The following BRAP variants were observed in gnomAD, a reference collection of about 807,000 sequenced individuals.
BRAP encodes the protein BRCA1-associated protein.
BRAP carries 42 observed loss-of-function variants against 73.4 expected under a neutral mutation model. That is an observed-to-expected ratio of 0.57 (90% confidence interval 0.45 to 0.74). The LOEUF (loss-of-function observed/expected upper bound fraction) is 0.74. BRAP is among the 30% of genes least tolerant of loss of function. The probability of loss-of-function intolerance (pLI) is 0.00; values close to 1 mark genes in which losing one functional copy is unlikely to be tolerated. For missense variants in BRAP, 593 were observed against 751.4 expected (o/e 0.79, Z 2.46); for synonymous variants, 255 against 267.4 (o/e 0.95, Z 0.45).
rs534395697 is a variant in BRAP at position 111,648,181 on chromosome 12, C to T, written c.1415+1758G>A. On this transcript the variant is annotated intron_variant, in intron 11 of 11. Coordinates refer to ENST00000419234, the MANE Select transcript of BRAP (RefSeq NM_006768.5). ...GGTGTGGTGGTGTGCTCCTGTAGTC[C>T]TAGCTACTCGGGAGGCTGAGGCAGG... is the stretch of plus-strand genomic sequence containing the variant. 1.1e-3 allele frequency among the ~76,000 whole-genome samples: 151 copies of T among 131,600 alleles called. No homozygotes were observed. The Middle Eastern group carries it at 0.014, about 12-fold the overall frequency. The allele number at this position is 131,600 out of a possible 152,430, so 86.3% of individuals were successfully genotyped here.
chr12:111,671,236 G>C (rs1315754185), intron 5 of BRAP, among the ~76,000 whole-genome samples: 1 of 152,100 alleles, frequency 6.6e-6, no homozygotes, highest in Admixed American at 6.6e-5. Context: ...AAAGATCAGA[G>C]CCATCACAAA....
chr12:111,659,175 G>C, intron 8 of BRAP, 32 bp downstream of exon 8: 1 of 1,602,054 alleles, frequency 6.2e-7, no homozygotes, highest in Non-Finnish European at 8.5e-7. Flanking sequence ...CACACAGAAT[G>C]AGTCCAAATT....
chr12:111,665,932 T>C lies in BRAP; in HGVS notation c.748-145A>G, dbSNP rs1419662195. 2.7e-5 allele frequency: 31 copies of C among 1,147,982 alleles called. 2 individuals are homozygous for C. In the South Asian group the frequency reaches 4.7e-4, roughly 17 times the overall value. 71.1% of individuals were successfully genotyped at this position (1,147,982 alleles called of 1,614,324 possible). ...ATCATGGCTCATTACAGCCTTGACC[T>C]CCCAGGCTCAAGAGATCTGCCCACC... is the stretch of plus-strand genomic sequence containing the variant. On this transcript the variant is annotated intron_variant, in intron 5 of 11. Coordinates refer to ENST00000419234, the MANE Select transcript of BRAP (RefSeq NM_006768.5). This position sits in a 1 kb window ranked among gnomAD's most constrained non-coding sequence, Gnocchi z 4.3.
At chr12:111,683,040 A>C in intron 2 of BRAP, 106 bp downstream of exon 2, 1 of 1,302,120 alleles carries the variant, frequency 7.7e-7, no homozygotes, top group Non-Finnish European at 1.1e-6. Flanking sequence ...AGTGAAAGAC[A>C]AAAGTATGCT....
Position 111,644,342 on chromosome 12 carries a change from T to A in BRAP, c.1636A>T (p.Ile546Phe). 6.2e-6 allele frequency: 10 copies of A among 1,613,944 alleles called. No homozygotes were observed. The highest frequency in any genetic ancestry group is 8.5e-6 in the Non-Finnish European group (10 of 1,179,992). ...CGGGTCTCGGCAGGCAGATGGTTGATCTTCTGCTGTGTCTCCAGGTAGAAC... is the reference window on the plus strand; with the variant it reads ...CGGGTCTCGGCAGGCAGATGGTTGAACTTCTGCTGTGTCTCCAGGTAGAAC... ...VMFYLETQQK[I>F]NHLPAETRQE... Residue 546 changes from isoleucine to phenylalanine, a missense_variant, in exon 12 of 12, where the codon ATC becomes TTC. Physicochemically the swap from Ile to Phe is conservative, Grantham distance 21. Around this residue, in one of 4 missense-constraint regions of BRAP, gnomAD observed 79 missense variants for 65.3 expected, o/e 1.21. Transcript: ENST00000419234.
chr12:111,647,883 T>C (rs1886166848), intron 11 of BRAP, among the ~76,000 whole-genome samples: 1 of 142,634 alleles, frequency 7.0e-6, no homozygotes, highest in Non-Finnish European at 1.5e-5. Context: ...AGAGCGAAAC[T>C]CCGTCTCAAA....
chr12:111,670,043 A>G, intron 5 of BRAP: 1 of 630,406 alleles, frequency 1.6e-6, no homozygotes, highest in South Asian at 1.4e-5. Context: ...CTTCATCTTC[A>G]TTAAAAGCTG....
In BRAP at chr12:111,660,682, AG is replaced by A. The variant is rs377323819; in HGVS notation, c.897-8del. ...GTACCGGCAAACAGGACACCTATCCAGGACACCAAAAGATAATGGTGCAGGT... is the reference window on the plus strand; with the variant it reads ...GTACCGGCAAACAGGACACCTATCCAGACACCAAAAGATAATGGTGCAGGT... On this transcript the variant is annotated splice_polypyrimidine_tract_variant and splice_region_variant and intron_variant, in intron 6 of 11. Coordinates refer to ENST00000419234, the MANE Select transcript of BRAP (RefSeq NM_006768.5). 48 of 1,596,718 alleles carry A rather than the reference AG, an allele frequency of 3.0e-5. No homozygotes were observed. Among genetic ancestry groups the A allele is most frequent in the African/African-American group, 2.7e-4 (20 of 74,414 alleles).
chr12:111,682,822 A>G (rs2135932530), intron 2 of BRAP, among the ~76,000 whole-genome samples: 1 of 152,174 alleles, frequency 6.6e-6, no homozygotes, highest in South Asian at 2.1e-4. Flanking sequence ...TGAGGCAGGA[A>G]GACTGCTTCA....
chr12:111,659,636 A>T (rs1230461231), intron 7 of BRAP, among the ~76,000 whole-genome samples: 1 of 152,076 alleles, frequency 6.6e-6, no homozygotes, highest in Non-Finnish European at 1.5e-5. Flanking sequence ...CCTGGGTGAT[A>T]AGAACAAGAC....
At position 111,665,511 on chromosome 12, in the gene BRAP, G is replaced by T; in HGVS notation, c.896+128C>A. The T allele has an allele frequency of 7.6e-7, 1 of 1,317,124 alleles. No individual in the cohort carries two copies. The highest frequency in any genetic ancestry group is 1.0e-6 in the Non-Finnish European group (1 of 969,540). 81.6% of individuals were successfully genotyped at this position (1,317,124 alleles called of 1,614,324 possible). A position where few individuals can be genotyped will look rare whatever the true frequency, so the allele number is the denominator to read the frequency against. ...GCCGATTCCCTGAACTTAGGAAAGG[G>T]AAGGAGAAAAAGGACCTCTTGAATA... On this transcript the variant is annotated intron_variant, in intron 6 of 11. Coordinates refer to ENST00000419234, the MANE Select transcript of BRAP (RefSeq NM_006768.5). The surrounding 1 kb of genome is among the most constrained non-coding windows in gnomAD (Gnocchi z 4.3).
In BRAP at chr12:111,683,259, G is replaced by A; in HGVS notation, c.131C>T (p.Ala44Val). 6.2e-7 allele frequency: 1 copy of A among 1,614,024 alleles called. No homozygotes were observed. Among genetic ancestry groups the A allele is most frequent in the Non-Finnish European group, 8.5e-7 (1 of 1,180,006 alleles). ...TGACTTGCCTTCTAAACAGGCTACA[G>A]CTGAGGCTAGTGTCGTCTTTTTTAT... ...EEIKKTTLAS[A>V]VACLEGKSPG... is the part of the protein sequence containing the mutation. Residue 44 changes from alanine to valine, a missense_variant, in exon 2 of 12, where the codon GCT becomes GTT. By Grantham distance (64) the Ala-to-Val change is moderately conservative (BLOSUM62 0). Coordinates refer to ENST00000419234, the MANE Select transcript of BRAP (RefSeq NM_006768.5).
At chr12:111,658,126 C>T (rs1476893530) in intron 9 of BRAP, among the ~76,000 whole-genome samples, 2 of 151,506 alleles carry the variant, frequency 1.3e-5, no homozygotes, top group African/African-American at 2.4e-5. Context: ...GACAGGGTTT[C>T]ACCATGTTGG....
intron 10 of BRAP, among the ~76,000 whole-genome samples, chr12:111,653,320 C>T (rs1182456706): frequency 6.6e-6 from 1 of 152,222 alleles, no homozygotes; most frequent in Non-Finnish European, 1.5e-5. Flanking sequence ...TTTACATCTA[C>T]ACTATTTTAT....
chr12:111,673,367 G>C (rs542341262), intron 4 of BRAP: 2 of 152,466 alleles, frequency 1.3e-5, no homozygotes, highest in South Asian at 2.1e-4. Context: ...AGCCGGGCCT[G>C]GTGGCCCACG....
At chr12:111,684,008 C>T (rs1282559897) in intron 1 of BRAP, among the ~76,000 whole-genome samples, 1 of 152,066 alleles carries the variant, frequency 6.6e-6, no homozygotes, top group Non-Finnish European at 1.5e-5. Context: ...ATTTCAAAAA[C>T]TTGTAGGGGT....
chr12:111,656,432 G>C (rs188170883), intron 9 of BRAP, among the ~76,000 whole-genome samples: 3 of 152,214 alleles, frequency 2.0e-5, no homozygotes, highest in African/African-American at 7.2e-5. Flanking sequence ...TGAGGCTGTT[G>C]TAACACTAAT....
chr12:111,670,973 G>A (rs1887147075), intron 5 of BRAP, among the ~76,000 whole-genome samples: 1 of 152,070 alleles, frequency 6.6e-6, no homozygotes, highest in South Asian at 2.1e-4. Context: ...GATGGCGCAT[G>A]CCTATAGTCC....
At chr12:111,674,391 C>T (rs1010866131) in intron 4 of BRAP, among the ~76,000 whole-genome samples, 15 of 152,132 alleles carry the variant, frequency 9.9e-5, no homozygotes, top group Non-Finnish European at 1.6e-4. Flanking sequence ...TATAGGCATA[C>T]GCCACCACAC....
Sources: gnomAD v4.1 joint callset for allele counts (sites outside exome capture counted in the v4.1 genomes callset) on GRCh38, gnomAD v4.1.1 for gene constraint, gnomAD v4.1.1 regional missense constraint, Gnocchi (gnomAD v3.1) non-coding constraint, MANE v1.5 for transcripts, NCBI Gene and HGNC (gene_info 2026-07-23, HGNC 2026-07-21) for gene names.